The following CACNA1C variants were observed in gnomAD, a reference collection of about 807,000 sequenced individuals.
CACNA1C encodes calcium voltage-gated channel subunit alpha1 C.
CACNA1C carries 30 observed loss-of-function variants against 229.0 expected under a neutral mutation model. The ratio of observed to expected loss-of-function variants is 0.13; its 90% CI spans 0.10 to 0.18. The LOEUF (loss-of-function observed/expected upper bound fraction) is 0.18. Among genes scored for constraint, CACNA1C ranks in the 10% least tolerant of loss-of-function variants. The probability of loss-of-function intolerance (pLI) is 1.00; values close to 1 mark genes in which losing one functional copy is unlikely to be tolerated. For missense variants in CACNA1C, 1,658 were observed against 2,845.0 expected (o/e 0.58, Z 9.49); for synonymous variants, 1,114 against 1,132.5 (o/e 0.98, Z 0.33).
intron 18 of CACNA1C, among the ~76,000 whole-genome samples, chr12:2,587,116 A>G (rs188388683): frequency 6.6e-6 from 1 of 152,346 alleles, no homozygotes; most frequent in African/African-American, 2.4e-5. Context: ...TCTTGTTGGT[A>G]TAATATTTTG....
chr12:2,394,474 T>C (rs1484336102), intron 3 of CACNA1C, among the ~76,000 whole-genome samples: 1 of 152,240 alleles, frequency 6.6e-6, no homozygotes, highest in Non-Finnish European at 1.5e-5. Flanking sequence ...AATATTTTAC[T>C]TAATTATAAA....
chr12:2,120,908 A>G (rs1276725857), intron 3 of CACNA1C, among the ~76,000 whole-genome samples: 2 of 152,146 alleles, frequency 1.3e-5, no homozygotes, highest in Non-Finnish European at 2.9e-5. Context: ...TGCAGCCAAC[A>G]TGTATTATTG....
chr12:2,171,479 G>C (rs939406109), intron 3 of CACNA1C, among the ~76,000 whole-genome samples: 1 of 152,200 alleles, frequency 6.6e-6, no homozygotes, highest in African/African-American at 2.4e-5. Flanking sequence ...GCTCACAGAC[G>C]GGGAGGTGGG....
At chr12:2,421,868 G>T (rs2098982556) in intron 3 of CACNA1C, among the ~76,000 whole-genome samples, 1 of 151,674 alleles carries the variant, frequency 6.6e-6, no homozygotes, top group African/African-American at 2.4e-5. Context: ...CCAAGATCAT[G>T]CCACTGCACT....
chr12:2,387,206 C>T lies in CACNA1C; in HGVS notation c.478-61770C>T, dbSNP rs149714798. 4.4e-4 allele frequency among the ~76,000 whole-genome samples: 67 copies of T among 152,230 alleles called. 1 individual carries two copies. Among genetic ancestry groups the T allele is most frequent in the African/African-American group, 1.3e-3 (53 of 41,526 alleles). ...GATGATTAAAGAAGCAATGACTGGCCGGGTGCAGTGGCTCATGCCTGTAAT... is the reference window on the plus strand; with the variant it reads ...GATGATTAAAGAAGCAATGACTGGCTGGGTGCAGTGGCTCATGCCTGTAAT... On this transcript the variant is annotated intron_variant, in intron 3 of 46. Transcript: ENST00000399655.
At chr12:2,684,470 G>A (rs908990342) in intron 43 of CACNA1C, among the ~76,000 whole-genome samples, 2 of 152,174 alleles carry the variant, frequency 1.3e-5, no homozygotes, top group African/African-American at 2.4e-5. Context: ...AAATCAGGAA[G>A]AGCATATATT....
chr12:2,597,398 A>T lies in CACNA1C; in HGVS notation c.2853+109A>T. 1 of 1,551,976 alleles carries T rather than the reference A, an allele frequency of 6.4e-7. No homozygotes were observed. Among genetic ancestry groups the T allele is most frequent in the Non-Finnish European group, 8.9e-7 (1 of 1,123,936 alleles). On this transcript the variant is annotated intron_variant, in intron 21 of 46. Transcript: ENST00000399655. This position sits in a 1 kb window ranked among gnomAD's most constrained non-coding sequence, Gnocchi z 4.3. ...GCTCCTTCCTGTTGGTGTGGGGTTC[A>T]CTCTCAGAGCCACTAATCCAATTAT...
rs756669022 is a variant in CACNA1C, at chr12:2,512,894, C to A, written c.1300C>A (p.Leu434Ile). ...GGAGAAGCAGCAGCTAGAAGAGGAT[C>A]TCAAAGGCTACCTGGATTGGATCAC... is the stretch of plus-strand genomic sequence containing the variant. Reference protein sequence around the residue: ...LREKQQLEEDLKGYLDWITQA... With the variant: ...LREKQQLEEDIKGYLDWITQA... The change falls in exon 9 of 47, where the codon CTC becomes ATC. Residue 434 changes from leucine to isoleucine, a missense_variant. This residue lies in a region of CACNA1C where 149 missense variants were observed against 194.2 expected (regional missense o/e 0.77). Coordinates refer to ENST00000399655, the MANE Select transcript of CACNA1C (RefSeq NM_000719.7). The surrounding 1 kb of genome is among the most constrained non-coding windows in gnomAD (Gnocchi z 4.3). The A allele has an allele frequency of 6.2e-7, 1 of 1,613,194 alleles. No homozygotes were observed. Among genetic ancestry groups the A allele is most frequent in the South Asian group, 1.1e-5 (1 of 90,774 alleles).
chr12:2,321,456 C>T (rs2095994358), intron 3 of CACNA1C, among the ~76,000 whole-genome samples: 1 of 152,030 alleles, frequency 6.6e-6, no homozygotes, highest in African/African-American at 2.4e-5. Context: ...CTTGTGTTTA[C>T]ATTAATTAGT....
At chr12:2,634,480 T>G in intron 30 of CACNA1C, 100 bp downstream of exon 30, 2 of 471,816 alleles carry the variant, frequency 4.2e-6, no homozygotes, top group South Asian at 1.3e-4. Flanking sequence ...CTCCCCACCT[T>G]CTTATTTTTT....
chr12:2,010,664 C>A (rs904094556), intron 1 of CACNA1C, among the ~76,000 whole-genome samples: 11 of 152,294 alleles, frequency 7.2e-5, no homozygotes, highest in African/African-American at 2.6e-4. Context: ...AGGATCTCTA[C>A]AATAGCTACA....
intron 1 of CACNA1C, among the ~76,000 whole-genome samples, chr12:1,975,717 T>A (rs1006787191): frequency 6.6e-6 from 1 of 152,202 alleles, no homozygotes; most frequent in African/African-American, 2.4e-5. Flanking sequence ...ATAGTCTTTA[T>A]GGTTTAGGAT....
At chr12:2,214,559 G>C (rs1209909878) in intron 3 of CACNA1C, among the ~76,000 whole-genome samples, 1 of 151,662 alleles carries the variant, frequency 6.6e-6, no homozygotes, top group Non-Finnish European at 1.5e-5. Context: ...CAACTGCCAA[G>C]GTCGCTGGAA....
At chr12:2,621,355 C>G (rs2153504203) in intron 29 of CACNA1C, among the ~76,000 whole-genome samples, 1 of 152,224 alleles carries the variant, frequency 6.6e-6, no homozygotes, top group South Asian at 2.1e-4. Context: ...AGAAGAGGAG[C>G]ATTTCAGGCA....
chr12:2,396,527 C>T (rs1471901808), intron 3 of CACNA1C, among the ~76,000 whole-genome samples: 1 of 148,830 alleles, frequency 6.7e-6, no homozygotes. Flanking sequence ...AGCTTTGATT[C>T]AGCTAAGCAG....
At chr12:2,356,099 C>T (rs537664371) in intron 3 of CACNA1C, among the ~76,000 whole-genome samples, 1 of 152,346 alleles carries the variant, frequency 6.6e-6, no homozygotes, top group South Asian at 2.1e-4. Context: ...CTAAGCTGCC[C>T]TGCAGATCGT....
chr12:2,337,116 CT>C (rs2096720651), intron 3 of CACNA1C, among the ~76,000 whole-genome samples: 1 of 152,160 alleles, frequency 6.6e-6, no homozygotes, highest in Admixed American at 6.5e-5. Context: ...AGCCCACAGG[CT>C]TGTGGGAGGA....
At chr12:2,138,919 G>C (rs75866590) in intron 3 of CACNA1C, among the ~76,000 whole-genome samples, 2,190 of 150,460 alleles carry the variant, frequency 0.015, 66 homozygotes, top group African/African-American at 0.051. Context: ...GCTCCTCCAT[G>C]ACTGGCTTTG....
Position 2,357,582 on chromosome 12 carries a change from T to C in CACNA1C, c.478-91394T>C, listed in dbSNP as rs73605801. ...GAGGCTAACCAACAAAATTAGCTATTGGGCCAGGGTTTAGGATTGAACCAA... is the reference window on the plus strand; with the variant it reads ...GAGGCTAACCAACAAAATTAGCTATCGGGCCAGGGTTTAGGATTGAACCAA... On this transcript the variant is annotated intron_variant, in intron 3 of 46. Transcript: ENST00000399655. Among the ~76,000 whole-genome samples the C allele has an allele frequency of 9.0e-3, 1,369 of 151,660 alleles. 22 individuals carry two copies. The highest frequency in any genetic ancestry group is 0.032 in the African/African-American group (1,318 of 41,244).
Sources: gnomAD v4.1 joint callset for allele counts (sites outside exome capture counted in the v4.1 genomes callset) on GRCh38, gnomAD v4.1.1 for gene constraint, gnomAD v4.1.1 regional missense constraint, Gnocchi (gnomAD v3.1) non-coding constraint, MANE v1.5 for transcripts, NCBI Gene and HGNC (gene_info 2026-07-23, HGNC 2026-07-21) for gene names.